The following GTF2H1 variants were observed in gnomAD, a reference collection of about 807,000 sequenced individuals.
The protein encoded by GTF2H1 is BTF2 p62.
A neutral mutation model predicts 71.2 loss-of-function variants in GTF2H1; 16 were observed. The observed-to-expected ratio is 0.22, with a 90% CI of 0.15 to 0.34. The LOEUF (loss-of-function observed/expected upper bound fraction) is 0.34. Among genes scored for constraint, GTF2H1 ranks in the 10% least tolerant of loss-of-function variants. The pLI is 1.00. For missense variants in GTF2H1, 498 were observed against 648.2 expected (o/e 0.77, Z 2.52); for synonymous variants, 215 against 219.0 (o/e 0.98, Z 0.16).
In GTF2H1 at chr11:18,330,041, TTCTG is replaced by T. The variant is rs1441122569; in HGVS notation, c.-15-3015_-15-3012del. Among the ~76,000 whole-genome samples the T allele has an allele frequency of 3.3e-5, 5 of 152,346 alleles. No homozygotes were observed. The East Asian group carries it at 9.6e-4, about 29-fold the overall frequency. On this transcript the variant is annotated intron_variant, in intron 1 of 14. Coordinates refer to ENST00000265963, the MANE Select transcript of GTF2H1 (RefSeq NM_005316.4). The stretch of plus-strand genomic sequence containing the variant: ...GGAATGTTCAAGGGTGACTGAAATG[TTCTG>T]TCTCTCATTTTGGGTAACTGTAAAT...
chr11:18,345,693 C>T (rs1054139291), intron 7 of GTF2H1, among the ~76,000 whole-genome samples: 8 of 151,856 alleles, frequency 5.3e-5, no homozygotes, highest in Admixed American at 1.3e-4. Flanking sequence ...GGTTTCACCA[C>T]GACCAGACTG....
intron 13 of GTF2H1, 91 bp downstream of exon 13, chr11:18,358,731 T>A: frequency 1.3e-6 from 1 of 752,126 alleles, no homozygotes; most frequent in Non-Finnish European, 2.4e-6. Flanking sequence ...TCTTACCATG[T>A]GACAGACACT....
intron 7 of GTF2H1, 81 bp from the exon 8 acceptor site, chr11:18,347,507 C>A: frequency 1.0e-6 from 1 of 987,318 alleles, no homozygotes. Flanking sequence ...CATCATCCAG[C>A]AAATTTTTTC....
At chr11:18,333,250 C>G in intron 2 of GTF2H1, 22 bp downstream of exon 2, 1 of 1,558,650 alleles carries the variant, frequency 6.4e-7, no homozygotes, top group South Asian at 1.2e-5. Flanking sequence ...ATACTAAGTT[C>G]TGATGTATTT....
intron 14 of GTF2H1, among the ~76,000 whole-genome samples, chr11:18,361,057 C>A (rs1865684842): frequency 6.6e-6 from 1 of 152,004 alleles, no homozygotes; most frequent in Non-Finnish European, 1.5e-5. Flanking sequence ...CCCACCTTGG[C>A]CTCCCAAAGT....
chr11:18,323,859 G>C (rs374339068), intron 1 of GTF2H1, among the ~76,000 whole-genome samples: 2 of 152,284 alleles, frequency 1.3e-5, no homozygotes, highest in African/African-American at 4.8e-5. Context: ...CCAACCTTAA[G>C]ATTTTTTAAA....
intron 7 of GTF2H1, among the ~76,000 whole-genome samples, chr11:18,345,575 T>C (rs942175704): frequency 6.6e-6 from 1 of 150,404 alleles, no homozygotes; most frequent in East Asian, 2.0e-4. Context: ...CTCAGCTCAC[T>C]GCAATCTCTG....
chr11:18,353,568 C>T (rs1865475565), intron 11 of GTF2H1, among the ~76,000 whole-genome samples: 1 of 152,240 alleles, frequency 6.6e-6, no homozygotes, highest in South Asian at 2.1e-4. Context: ...CTAATAATTA[C>T]TCAAGACTCA....
chr11:18,340,982 G>T (rs4150601), intron 5 of GTF2H1, among the ~76,000 whole-genome samples: 4,862 of 152,222 alleles, frequency 0.032, 264 homozygotes, highest in African/African-American at 0.11. Flanking sequence ...AGCAGACTCA[G>T]CTCTGACTCC....
chr11:18,359,070 T>G (rs1041240338), intron 13 of GTF2H1, among the ~76,000 whole-genome samples: 1 of 152,236 alleles, frequency 6.6e-6, no homozygotes, highest in Admixed American at 6.5e-5. Context: ...AAATGTAACA[T>G]TAATAGTAAT....
rs1422254535 is a variant in GTF2H1, at chr11:18,348,136, GTTTT to G, written c.1053+220_1053+223del. 3 of 577,468 alleles carry G rather than the reference GTTTT, an allele frequency of 5.2e-6. No homozygotes were observed. In the Admixed American group the frequency reaches 1.0e-4, roughly 19 times the overall value. 35.8% of individuals were successfully genotyped at this position (577,468 alleles called of 1,614,324 possible). A position where few individuals can be genotyped will look rare whatever the true frequency, so the allele number is the denominator to read the frequency against. ...CTCTAGCCTGTTAGCCATTTTTATT[GTTTT>G]TTGTTTGTTTGTTTGTTTGTTTTCC... On this transcript the variant is annotated intron_variant, in intron 9 of 14. Transcript: ENST00000265963.
intron 9 of GTF2H1, among the ~76,000 whole-genome samples, chr11:18,349,960 T>C (rs1865388337): frequency 6.6e-6 from 1 of 152,236 alleles, no homozygotes; most frequent in African/African-American, 2.4e-5. Context: ...ACTCATTGAA[T>C]ACTGAAAGTG....
intron 14 of GTF2H1, among the ~76,000 whole-genome samples, chr11:18,364,663 A>G (rs1565022522): frequency 6.6e-6 from 1 of 152,306 alleles, no homozygotes; most frequent in South Asian, 2.1e-4. Flanking sequence ...AAAATTCTTA[A>G]TCTACTCAAA....
chr11:18,339,181 AG>A (rs1278922559), intron 4 of GTF2H1, among the ~76,000 whole-genome samples: 1 of 152,216 alleles, frequency 6.6e-6, no homozygotes, highest in Admixed American at 6.5e-5. Context: ...TTATTAGTGA[AG>A]TGAATTAATA....
intron 10 of GTF2H1, 132 bp from the exon 11 acceptor site, chr11:18,352,197 T>G (rs1865443672): frequency 4.6e-6 from 3 of 645,270 alleles, no homozygotes; most frequent in South Asian, 2.1e-5. Flanking sequence ...TTAAATTATT[T>G]TATTGAAATC....
At chr11:18,357,304 G>A (rs1405309818) in intron 11 of GTF2H1, among the ~76,000 whole-genome samples, 1 of 152,326 alleles carries the variant, frequency 6.6e-6, no homozygotes, top group African/African-American at 2.4e-5. Context: ...TGTTGATACA[G>A]TGGGGAGTAT....
At chr11:18,359,288 C>T (rs10832921) in intron 13 of GTF2H1, among the ~76,000 whole-genome samples, 95,153 of 151,980 alleles carry the variant, frequency 0.63, 31,195 homozygotes, top group East Asian at 0.96. Context: ...ACCTGTAATC[C>T]CAACACTTTG....
At chr11:18,362,219 A>G (rs930022409) in intron 14 of GTF2H1, among the ~76,000 whole-genome samples, 13 of 152,362 alleles carry the variant, frequency 8.5e-5, no homozygotes, top group Middle Eastern at 3.4e-3. Flanking sequence ...GTATGTGTGT[A>G]TCTAAACATA....
chr11:18,354,583 C>T (rs1335003215), intron 11 of GTF2H1, among the ~76,000 whole-genome samples: 1 of 152,130 alleles, frequency 6.6e-6, no homozygotes, highest in Non-Finnish European at 1.5e-5. Flanking sequence ...AGGCATGTGT[C>T]ACCACACAAC....
Sources: allele counts gnomAD v4.1 joint callset (sites outside exome capture counted in the v4.1 genomes callset), GRCh38; gene constraint gnomAD v4.1.1; transcripts MANE v1.5; gene names NCBI Gene and HGNC (gene_info 2026-07-23, HGNC 2026-07-21).